The following TMEM39A variants were observed in gnomAD, a reference collection of about 807,000 sequenced individuals.
The protein encoded by TMEM39A is transmembrane protein 39A.
Under a neutral mutation model 51.9 loss-of-function variants are expected in TMEM39A, and 19 were observed. The ratio of observed to expected loss-of-function variants is 0.37; its 90% CI spans 0.26 to 0.54. The LOEUF (loss-of-function observed/expected upper bound fraction) is 0.54. TMEM39A is among the 20% of genes least tolerant of loss of function. The pLI is 0.88. For missense variants in TMEM39A, 433 were observed against 590.5 expected (o/e 0.73, Z 2.76); for synonymous variants, 197 against 220.2 (o/e 0.89, Z 0.93).
chr3:119,459,855 C>T (rs1171729635), intron 2 of TMEM39A, among the ~76,000 whole-genome samples: 2 of 152,130 alleles, frequency 1.3e-5, no homozygotes, highest in Non-Finnish European at 2.9e-5. Flanking sequence ...TTATCTATTT[C>T]CCTCCAATAC....
chr3:119,436,246 G>C (rs150981389), intron 7 of TMEM39A, among the ~76,000 whole-genome samples: 1 of 152,306 alleles, frequency 6.6e-6, no homozygotes, highest in Non-Finnish European at 1.5e-5. Flanking sequence ...GTCAGGCACA[G>C]TTCTCACTTA....
intron 5 of TMEM39A, among the ~76,000 whole-genome samples, chr3:119,442,833 C>A (rs573371584): frequency 8.5e-5 from 13 of 152,100 alleles, no homozygotes; most frequent in African/African-American, 2.9e-4. Flanking sequence ...GCCAAGGAGG[C>A]TGGATCACTT....
intron 5 of TMEM39A, among the ~76,000 whole-genome samples, chr3:119,444,395 A>T (rs1191224978): frequency 6.6e-6 from 1 of 151,794 alleles, no homozygotes; most frequent in African/African-American, 2.4e-5. Context: ...ATATGAAATC[A>T]GAGTCATGAA....
chr3:119,463,549 G>A lies in TMEM39A; in HGVS notation c.-288C>T. The A allele has an allele frequency of 2.5e-6, 1 of 398,878 alleles. No homozygotes were observed. Among genetic ancestry groups the A allele is most frequent in the Non-Finnish European group, 4.4e-6 (1 of 226,262 alleles). The allele number at this position is 398,878 out of a possible 1,614,324, so 24.7% of individuals were successfully genotyped here. A position where few individuals can be genotyped will look rare whatever the true frequency, so the allele number is the denominator to read the frequency against. ...AGACTCCGACGCAGTTCCAGTGCCAGAGCTAAAGCTAGAGCCAGAGCCTGA... is the reference window on the plus strand; with the variant it reads ...AGACTCCGACGCAGTTCCAGTGCCAAAGCTAAAGCTAGAGCCAGAGCCTGA... On this transcript the variant is annotated 5_prime_UTR_variant, in exon 1 of 9. Transcript: ENST00000319172.
intron 7 of TMEM39A, chr3:119,436,497 C>T (rs537432434): frequency 1.4e-4 from 35 of 249,264 alleles, no homozygotes; most frequent in African/African-American, 6.0e-4. Flanking sequence ...TCTTTGAATT[C>T]GGGCAAAGGG....
Position 119,440,705 on chromosome 3 carries a change from G to A in TMEM39A, c.576-2602C>T, listed in dbSNP as rs528855591. The stretch of plus-strand genomic sequence containing the variant: ...CATAATCTAGTATTTTAAATTTCTC[G>A]CACTTTTGATTTTTAAATTGAAGTT... On this transcript the variant is annotated intron_variant, in intron 5 of 8. Transcript: ENST00000319172. Among the ~76,000 whole-genome samples, 6 of 152,070 alleles carry A rather than the reference G, an allele frequency of 3.9e-5. No individual in the cohort carries two copies. In the South Asian group the frequency reaches 1.0e-3, roughly 26 times the overall value.
Position 119,431,918 on chromosome 3 carries a change from A to AG in TMEM39A, c.*62dup. On this transcript the variant is annotated 3_prime_UTR_variant, in exon 9 of 9. Coordinates refer to ENST00000319172, the MANE Select transcript of TMEM39A (RefSeq NM_018266.3). ...ATCTTAAATATTTATAAAAATCACA[A>AG]GAAAAAAATAGAACGTATGAAAATA... is the stretch of plus-strand genomic sequence containing the variant. The AG allele has an allele frequency of 9.0e-7, 1 of 1,111,968 alleles. No individual in the cohort carries two copies. The allele number at this position is 1,111,968 out of a possible 1,614,324, so 68.9% of individuals were successfully genotyped here.
chr3:119,458,095 G>C lies in TMEM39A; in HGVS notation c.259C>G (p.Leu87Val), dbSNP rs2081289802. Residue 87 changes from leucine (L) to valine (V), a missense_variant, in exon 3 of 9, where the codon CTT becomes GTT. Physicochemically the swap from Leu to Val is conservative, Grantham distance 32. Transcript: ENST00000319172. The part of the protein sequence containing the change: ...FLFFIYLLVA[L>V]FIQYINIYKT... ...TAAATGTTGATGTACTGAATGAAAA[G>C]AGCAACCAACAGGTAGATGAAAAAA... 1.2e-6 allele frequency: 2 copies of C among 1,613,980 alleles called. No individual in the cohort carries two copies. Among genetic ancestry groups the C allele is most frequent in the Admixed American group, 1.7e-5 (1 of 60,002 alleles).
intron 4 of TMEM39A, among the ~76,000 whole-genome samples, chr3:119,447,693 T>C (rs1274592506): frequency 3.3e-5 from 5 of 152,120 alleles, no homozygotes; most frequent in Non-Finnish European, 5.9e-5. Context: ...GGCACAATCT[T>C]GGCTCACTGC....
At chr3:119,448,871 G>A (rs1560016424) in intron 4 of TMEM39A, among the ~76,000 whole-genome samples, 1 of 152,238 alleles carries the variant, frequency 6.6e-6, no homozygotes, top group Non-Finnish European at 1.5e-5. Context: ...GCTAATCACT[G>A]TGGTGTATGT....
rs539042683 is a variant in TMEM39A, at chr3:119,453,978, G to C, written c.337-1448C>G. On this transcript the variant is annotated intron_variant, in intron 3 of 8. Transcript: ENST00000319172. Reference sequence around the variant, plus strand: ...TGGTGGTTAGGGAGGCTATCTCTGAGAGGATGGCATTTGGGCTGAGAGCTG... The same window carrying C: ...TGGTGGTTAGGGAGGCTATCTCTGACAGGATGGCATTTGGGCTGAGAGCTG... Among the ~76,000 whole-genome samples, 18 of 152,330 alleles carry C rather than the reference G, an allele frequency of 1.2e-4. No individual in the cohort carries two copies. The South Asian group carries it at 3.5e-3, about 30-fold the overall frequency.
At chr3:119,459,980 G>A (rs967469685) in intron 2 of TMEM39A, among the ~76,000 whole-genome samples, 4 of 149,528 alleles carry the variant, frequency 2.7e-5, no homozygotes, top group African/African-American at 4.9e-5. Flanking sequence ...TTCATACCTC[G>A]TCCCCAGGTC....
chr3:119,447,644 A>G (rs2081145825), intron 4 of TMEM39A, among the ~76,000 whole-genome samples: 1 of 151,946 alleles, frequency 6.6e-6, no homozygotes, highest in East Asian at 1.9e-4. Context: ...TTCGAGACAA[A>G]GTCTCGCTCT....
intron 5 of TMEM39A, among the ~76,000 whole-genome samples, chr3:119,442,920 G>A (rs968797211): frequency 6.6e-6 from 1 of 151,982 alleles, no homozygotes; most frequent in Non-Finnish European, 1.5e-5. Flanking sequence ...ACAAAAATTA[G>A]CCGGGTGTGG....
intron 3 of TMEM39A, among the ~76,000 whole-genome samples, chr3:119,457,417 A>T (rs529706090): frequency 3.9e-4 from 60 of 152,350 alleles, no homozygotes; most frequent in African/African-American, 1.4e-3. Flanking sequence ...CTAAAGGACT[A>T]TATTTAGCTT....
chr3:119,437,762 A>G lies in TMEM39A; in HGVS notation c.917T>C (p.Phe306Ser). ...AYYVAFLPLC[F>S]VKSTQYYDMR... Reference sequence around the variant, plus strand: ...AGTAAGATAACCACTTACCTTCACAAAACACAGGGGGAGAAATGCAACATA... The same window carrying G: ...AGTAAGATAACCACTTACCTTCACAGAACACAGGGGGAGAAATGCAACATA... The change falls in exon 6 of 9, where the codon TTT becomes TCT. Residue 306 changes from phenylalanine to serine, a missense_variant. By Grantham distance (155) the Phe-to-Ser change is radical. This residue lies in a region of TMEM39A where 223 missense variants were observed against 328.1 expected (regional missense o/e 0.68). Coordinates refer to ENST00000319172, the MANE Select transcript of TMEM39A (RefSeq NM_018266.3). 1 of 1,540,404 alleles carries G rather than the reference A, an allele frequency of 6.5e-7. No individual in the cohort carries two copies. The highest frequency in any genetic ancestry group is 8.8e-7 in the Non-Finnish European group (1 of 1,138,586).
chr3:119,451,999 T>C (rs1296813266), intron 4 of TMEM39A, among the ~76,000 whole-genome samples: 1 of 152,226 alleles, frequency 6.6e-6, no homozygotes, highest in Non-Finnish European at 1.5e-5. Flanking sequence ...TGATACTCAC[T>C]GGTTTTTAAA....
intron 2 of TMEM39A, among the ~76,000 whole-genome samples, chr3:119,461,095 C>T (rs987659497): frequency 5.9e-5 from 9 of 152,120 alleles, no homozygotes; most frequent in Admixed American, 3.3e-4. Context: ...GGAAATCCAA[C>T]GAACGGCAGA....
chr3:119,441,135 C>A (rs1176816803), intron 5 of TMEM39A, among the ~76,000 whole-genome samples: 2 of 152,118 alleles, frequency 1.3e-5, no homozygotes, highest in African/African-American at 4.8e-5. Context: ...CCTCCCTATT[C>A]CCTAAAACAC....
Sources: gnomAD v4.1 joint callset for allele counts (sites outside exome capture counted in the v4.1 genomes callset) on GRCh38, gnomAD v4.1.1 for gene constraint, gnomAD v4.1.1 regional missense constraint, MANE v1.5 for transcripts, NCBI Gene and HGNC (gene_info 2026-07-23, HGNC 2026-07-21) for gene names.